SENP7: variants seen among roughly 807,000 people sequenced by gnomAD.
The protein encoded by SENP7 is SUMO specific peptidase 7, also known as sentrin-specific protease 7.
Under a neutral mutation model 141.2 loss-of-function variants are expected in SENP7, and 64 were observed. That is an observed-to-expected ratio of 0.45 (90% confidence interval 0.37 to 0.56). SENP7 has a LOEUF of 0.56. Among genes scored for constraint, SENP7 ranks in the 20% least tolerant of loss-of-function variants. The probability of loss-of-function intolerance (pLI) is 0.00; values close to 1 mark genes in which losing one functional copy is unlikely to be tolerated. For missense variants in SENP7, 1,025 were observed against 1,212.2 expected, an observed-to-expected ratio of 0.85 and a Z score of 2.29; for synonymous variants, 382 against 426.4, an observed-to-expected ratio of 0.90 and a Z score of 1.28.
Position 101,463,360 on chromosome 3 carries a change from AATAAATAT to A in SENP7, c.187-4316_187-4309del, listed in dbSNP as rs59926959. Among the ~76,000 whole-genome samples the A allele has an allele frequency of 4.6e-3, 215 of 46,932 alleles. 1 individual carries two copies. Among genetic ancestry groups the A allele is most frequent in the African/African-American group, 0.016 (207 of 12,924 alleles). 30.8% of individuals were successfully genotyped at this position (46,932 alleles called of 152,430 possible). A position where few individuals can be genotyped will look rare whatever the true frequency, so the allele number is the denominator to read the frequency against. ...CAAAACCATGTATCATAAATAAATAAATAAATATATATATATATATATATATATATATA... is the reference window on the plus strand; with the variant it reads ...CAAAACCATGTATCATAAATAAATAAATATATATATATATATATATATATA... On this transcript the variant is annotated intron_variant, in intron 3 of 23. Transcript: ENST00000394095.
chr3:101,508,047 CAA>C (rs61638290), intron 1 of SENP7, among the ~76,000 whole-genome samples: 20,690 of 89,580 alleles, frequency 0.23, 1,759 homozygotes, highest in Admixed American at 0.39. Flanking sequence ...GACTCCATCT[CAA>C]AAAAAAAAAA....
chr3:101,380,435 G>A (rs376567225), intron 6 of SENP7, among the ~76,000 whole-genome samples: 11 of 95,128 alleles, frequency 1.2e-4, no homozygotes, highest in Non-Finnish European at 2.3e-4. Flanking sequence ...GCAAACCACC[G>A]CCCCCCCCCC....
chr3:101,418,263 T>C (rs2317699), intron 4 of SENP7, among the ~76,000 whole-genome samples: 103,436 of 151,840 alleles, frequency 0.68, 35,739 homozygotes, highest in African/African-American at 0.78. Flanking sequence ...TTTAATTTTA[T>C]CTTATTTCTA....
Position 101,371,993 on chromosome 3 carries a change from C to G in SENP7, c.796+15G>C. 8.3e-7 allele frequency: 1 copy of G among 1,201,298 alleles called. No homozygotes were observed. Among genetic ancestry groups the G allele is most frequent in the Non-Finnish European group, 1.1e-6 (1 of 881,778 alleles). The allele number at this position is 1,201,298 out of a possible 1,614,324, so 74.4% of individuals were successfully genotyped here. On this transcript the variant is annotated intron_variant, in intron 7 of 23. Transcript: ENST00000394095. ...AAAAAATTCAAATTCCAACAGTTTTCTAAGGTTCACAAACCTTCAGGCTGA... is the reference window on the plus strand; with the variant it reads ...AAAAAATTCAAATTCCAACAGTTTTGTAAGGTTCACAAACCTTCAGGCTGA...
chr3:101,408,023 T>C (rs1451738865), intron 5 of SENP7, among the ~76,000 whole-genome samples: 1 of 152,000 alleles, frequency 6.6e-6, no homozygotes, highest in Non-Finnish European at 1.5e-5. Context: ...ATAAAATTGA[T>C]AGACCATTAG....
At chr3:101,489,906 C>T (rs766099999) in intron 3 of SENP7, among the ~76,000 whole-genome samples, 8 of 152,158 alleles carry the variant, frequency 5.3e-5, no homozygotes, top group African/African-American at 9.7e-5. Context: ...AAGCCCAGGC[C>T]GGGCACAGTG....
chr3:101,336,057 ATT>A (rs973562618), intron 17 of SENP7, among the ~76,000 whole-genome samples: 1 of 152,192 alleles, frequency 6.6e-6, no homozygotes, highest in African/African-American at 2.4e-5. Flanking sequence ...AAGCATCCCA[ATT>A]TAGACCATTA....
At chr3:101,476,193 T>C (rs1341238490) in intron 3 of SENP7, among the ~76,000 whole-genome samples, 1 of 152,188 alleles carries the variant, frequency 6.6e-6, no homozygotes, top group Admixed American at 6.6e-5. Flanking sequence ...GGTGGTTTGC[T>C]GCACCCATCA....
At chr3:101,470,035 A>C (rs1156300071) in intron 3 of SENP7, among the ~76,000 whole-genome samples, 1 of 152,156 alleles carries the variant, frequency 6.6e-6, no homozygotes, top group Non-Finnish European at 1.5e-5. Flanking sequence ...CAATGAGAAC[A>C]AAGACACAAC....
chr3:101,479,568 C>T (rs2064360410), intron 3 of SENP7, among the ~76,000 whole-genome samples: 2 of 151,008 alleles, frequency 1.3e-5, no homozygotes, highest in South Asian at 4.2e-4. Flanking sequence ...ATGATCATGC[C>T]ACTATACTCC....
chr3:101,377,420 T>C (rs994653559), intron 6 of SENP7, among the ~76,000 whole-genome samples: 2 of 152,112 alleles, frequency 1.3e-5, no homozygotes, highest in African/African-American at 4.8e-5. Flanking sequence ...TAAACTGCAA[T>C]TGACAAATTG....
At chr3:101,465,265 C>A (rs1392057930) in intron 3 of SENP7, among the ~76,000 whole-genome samples, 1 of 152,162 alleles carries the variant, frequency 6.6e-6, no homozygotes, top group Non-Finnish European at 1.5e-5. Context: ...AGACACATGC[C>A]TTCCAAAAAC....
Position 101,429,623 on chromosome 3 carries a change from T to A in SENP7, c.285-11833A>T, listed in dbSNP as rs1214270392. On this transcript the variant is annotated intron_variant, in intron 4 of 23. Transcript: ENST00000394095. ...ATGGGGTTTCCTAAATATACAATCA[T>A]GCCATCTGTAAACAGAGACAATTTG... Among the ~76,000 whole-genome samples, 18 of 152,336 alleles carry A rather than the reference T, an allele frequency of 1.2e-4. 1 individual carries two copies. In the South Asian group the frequency reaches 2.9e-3, roughly 25 times the overall value.
chr3:101,471,873 T>A (rs1295260170), intron 3 of SENP7, among the ~76,000 whole-genome samples: 1 of 152,138 alleles, frequency 6.6e-6, no homozygotes, highest in Non-Finnish European at 1.5e-5. Context: ...AAAGAAGACA[T>A]CTATGCAGCC....
Position 101,417,813 on chromosome 3 carries a change from G to A in SENP7, c.285-23C>T, listed in dbSNP as rs748332736. ...TGCCTGTTATACACATAAATAATTA[G>A]TATATATGGTACTACACATTGTAGA... On this transcript the variant is annotated intron_variant, in intron 4 of 23. Transcript: ENST00000394095. 3.1e-5 allele frequency: 47 copies of A among 1,523,788 alleles called. No individual in the cohort carries two copies. The East Asian group carries it at 7.0e-4, about 23-fold the overall frequency. The allele number at this position is 1,523,788 out of a possible 1,614,324, so 94.4% of individuals were successfully genotyped here. A position where few individuals can be genotyped will look rare whatever the true frequency, so the allele number is the denominator to read the frequency against.
intron 9 of SENP7, 103 bp downstream of exon 9, chr3:101,366,327 A>T: frequency 1.3e-6 from 1 of 768,054 alleles, no homozygotes; most frequent in Non-Finnish European, 2.0e-6. Context: ...CAATGATGTC[A>T]TAAACAGCTT....
intron 13 of SENP7, among the ~76,000 whole-genome samples, chr3:101,345,730 A>G (rs2107224856): frequency 6.6e-6 from 1 of 152,332 alleles, no homozygotes; most frequent in South Asian, 2.1e-4. Context: ...GGAGAATGAA[A>G]CTGGAGCCTC....
chr3:101,330,482 T>C lies in SENP7; in HGVS notation c.2699-96A>G, dbSNP rs915675416. The stretch of plus-strand genomic sequence containing the variant: ...AAAATTATAATTTTTATGCAGTTAC[T>C]GGATGCACAGTAAAAATACTTGAGA... On this transcript the variant is annotated intron_variant, in intron 19 of 23. Coordinates refer to ENST00000394095, the MANE Select transcript of SENP7 (RefSeq NM_020654.5). 1.7e-5 allele frequency: 12 copies of C among 685,858 alleles called. No individual in the cohort carries two copies. In the African/African-American group the frequency reaches 1.9e-4, roughly 11 times the overall value. The allele number at this position is 685,858 out of a possible 1,614,324, so 42.5% of individuals were successfully genotyped here.
intron 15 of SENP7, among the ~76,000 whole-genome samples, chr3:101,340,927 A>G (rs1378770053): frequency 6.6e-6 from 1 of 152,230 alleles, no homozygotes; most frequent in Non-Finnish European, 1.5e-5. Context: ...GCAGTACTCA[A>G]TGAAAAATGT....
Sources: gnomAD v4.1 joint callset for allele counts (sites outside exome capture counted in the v4.1 genomes callset) on GRCh38, gnomAD v4.1.1 for gene constraint, MANE v1.5 for transcripts, NCBI Gene and HGNC (gene_info 2026-07-23, HGNC 2026-07-21) for gene names.